CCSER1: variants seen among roughly 807,000 people sequenced by gnomAD.
CCSER1 encodes the protein serine-rich coiled-coil domain-containing protein 1.
A neutral mutation model predicts 82.0 loss-of-function variants in CCSER1; 41 were observed. The observed-to-expected ratio is 0.50, with a 90% confidence interval of 0.39 to 0.65. The LOEUF is 0.65. Among genes scored for constraint, CCSER1 ranks in the 30% least tolerant of loss-of-function variants. The probability of loss-of-function intolerance (pLI) is 0.00; values close to 1 mark genes in which losing one functional copy is unlikely to be tolerated. For synonymous variants in CCSER1, 414 were observed against 383.9 expected (o/e 1.08, Z -0.92); for missense variants, 1,119 against 1,064.2 (o/e 1.05, Z -0.72).
At chr4:91,473,343 C>T (rs1294444238) in intron 10 of CCSER1, among the ~76,000 whole-genome samples, 1 of 152,168 alleles carries the variant, frequency 6.6e-6, no homozygotes, top group Non-Finnish European at 1.5e-5. Flanking sequence ...GCACAGTTGA[C>T]ATCATTTCTC....
intron 1 of CCSER1, among the ~76,000 whole-genome samples, chr4:90,259,446 A>G (rs1349896983): frequency 1.3e-5 from 2 of 151,466 alleles, no homozygotes; most frequent in African/African-American, 4.9e-5. Flanking sequence ...TTTTTTCCCA[A>G]TTTGTATGTC....
At chr4:90,330,746 A>G (rs1739134197) in intron 3 of CCSER1, among the ~76,000 whole-genome samples, 1 of 152,196 alleles carries the variant, frequency 6.6e-6, no homozygotes, top group South Asian at 2.1e-4. Flanking sequence ...AAGTGATACT[A>G]TGATTTCTTG....
intron 9 of CCSER1, among the ~76,000 whole-genome samples, chr4:90,934,334 G>A (rs1002544359): frequency 6.6e-6 from 1 of 151,994 alleles, no homozygotes; most frequent in Non-Finnish European, 1.5e-5. Context: ...GTTATTTCAG[G>A]ATAAGAGAAA....
At chr4:91,410,501 G>A (rs1158870952) in intron 10 of CCSER1, among the ~76,000 whole-genome samples, 2 of 152,072 alleles carry the variant, frequency 1.3e-5, no homozygotes, top group Non-Finnish European at 1.5e-5. Context: ...ATACCTTTAT[G>A]TTCTGGTTGC....
At chr4:90,440,700 C>T (rs1253677706) in intron 4 of CCSER1, among the ~76,000 whole-genome samples, 1 of 152,120 alleles carries the variant, frequency 6.6e-6, no homozygotes, top group Non-Finnish European at 1.5e-5. Flanking sequence ...GAGAACTCTT[C>T]CTTGACGACT....
chr4:90,234,278 A>G (rs1745326881), intron 1 of CCSER1, among the ~76,000 whole-genome samples: 1 of 150,358 alleles, frequency 6.7e-6, no homozygotes, highest in Non-Finnish European at 1.5e-5. Flanking sequence ...GTGTGATGGC[A>G]TGATCTCAGC....
intron 1 of CCSER1, among the ~76,000 whole-genome samples, chr4:90,167,207 A>G (rs1331598562): frequency 6.6e-6 from 1 of 152,116 alleles, no homozygotes; most frequent in Non-Finnish European, 1.5e-5. Context: ...GAAATTAGCA[A>G]TTTAAAAATA....
chr4:90,598,013 T>C (rs368009288), intron 5 of CCSER1, among the ~76,000 whole-genome samples: 1 of 152,202 alleles, frequency 6.6e-6, no homozygotes, highest in East Asian at 1.9e-4. Flanking sequence ...GTTGTATATA[T>C]ATCACATTTT....
At chr4:91,105,510 C>A (rs1419603274) in intron 10 of CCSER1, among the ~76,000 whole-genome samples, 2 of 151,944 alleles carry the variant, frequency 1.3e-5, no homozygotes, top group Non-Finnish European at 2.9e-5. Flanking sequence ...TTGAGACCAG[C>A]CTAGCCAATA....
intron 8 of CCSER1, among the ~76,000 whole-genome samples, chr4:90,890,788 C>G (rs1484594068): frequency 6.6e-6 from 1 of 152,064 alleles, no homozygotes; most frequent in Non-Finnish European, 1.5e-5. Context: ...ATCTCAGAGT[C>G]ATCTGTTTCT....
Position 91,519,090 on chromosome 4 carries a change from G to A in CCSER1, c.2218-79482G>A, listed in dbSNP as rs147458575. On this transcript the variant is annotated intron_variant, in intron 10 of 10. Transcript: ENST00000509176. ...GATTTTCTCCTTGGAGAAATGCTGA[G>A]CCACTTCTGAAGTATCCAGGTGGGG... 2.0e-3 allele frequency among the ~76,000 whole-genome samples: 298 copies of A among 152,280 alleles called. 1 individual carries two copies. The highest frequency in any genetic ancestry group is 7.0e-3 in the African/African-American group (289 of 41,548).
In CCSER1 at chr4:90,576,219, AT is replaced by A. The variant is rs573370434; in HGVS notation, c.1725-51800del. On this transcript the variant is annotated intron_variant, in intron 5 of 10. Coordinates refer to ENST00000509176, the MANE Select transcript of CCSER1 (RefSeq NM_001145065.2). The stretch of plus-strand genomic sequence containing the variant: ...TAATGGCTTTTTAAAAACAGATTTT[AT>A]TTTTTATATTAGATTTAGGTTCACA... 1.1e-3 allele frequency among the ~76,000 whole-genome samples: 172 copies of A among 152,092 alleles called. 1 individual carries two copies. Among genetic ancestry groups the A allele is most frequent in the African/African-American group, 3.7e-3 (153 of 41,502 alleles).
In CCSER1 at chr4:90,326,113, C is replaced by T. The variant is rs190659628; in HGVS notation, c.1509+13066C>T. On this transcript the variant is annotated intron_variant, in intron 3 of 10. Coordinates refer to ENST00000509176, the MANE Select transcript of CCSER1 (RefSeq NM_001145065.2). Reference sequence around the variant, plus strand: ...TCACTCTTTCACCCAGGCTGGAGTGCAGTGGCGCAATCTCGGCTCACTGCA... The same window carrying T: ...TCACTCTTTCACCCAGGCTGGAGTGTAGTGGCGCAATCTCGGCTCACTGCA... 2.9e-5 allele frequency among the ~76,000 whole-genome samples: 4 copies of T among 136,914 alleles called. No individual in the cohort carries two copies. The Admixed American group carries it at 3.3e-4, about 11-fold the overall frequency. 89.8% of individuals were successfully genotyped at this position (136,914 alleles called of 152,430 possible). A position where few individuals can be genotyped will look rare whatever the true frequency, so the allele number is the denominator to read the frequency against.
intron 5 of CCSER1, among the ~76,000 whole-genome samples, chr4:90,547,937 T>A (rs1012196371): frequency 1.3e-5 from 2 of 152,184 alleles, no homozygotes; most frequent in Admixed American, 1.3e-4. Flanking sequence ...TAAGTTATTA[T>A]TTGCTAAACA....
intron 1 of CCSER1, among the ~76,000 whole-genome samples, chr4:90,205,408 G>A (rs994085113): frequency 6.6e-6 from 1 of 152,138 alleles, no homozygotes; most frequent in African/African-American, 2.4e-5. Flanking sequence ...ATGAAGGGGT[G>A]TTGAAGCAGA....
intron 9 of CCSER1, among the ~76,000 whole-genome samples, chr4:91,031,569 G>A (rs575362931): frequency 1.6e-4 from 24 of 152,080 alleles, no homozygotes; most frequent in African/African-American, 5.1e-4. Context: ...TATAAAAATC[G>A]TCTAAGTTTC....
intron 6 of CCSER1, among the ~76,000 whole-genome samples, chr4:90,722,670 A>G (rs546724837): frequency 6.6e-6 from 1 of 151,966 alleles, no homozygotes; most frequent in South Asian, 2.1e-4. Flanking sequence ...TACTCAATGC[A>G]CTGCCTTATA....
In CCSER1 at chr4:90,209,476, G is replaced by T. The variant is rs1739532085; in HGVS notation, c.-42+81645G>T. 2.6e-5 allele frequency among the ~76,000 whole-genome samples: 4 copies of T among 152,140 alleles called. No individual in the cohort carries two copies. In the South Asian group the frequency reaches 8.3e-4, roughly 32 times the overall value. On this transcript the variant is annotated intron_variant, in intron 1 of 10. Coordinates refer to ENST00000509176, the MANE Select transcript of CCSER1 (RefSeq NM_001145065.2). ...AGTGGTGTGGTCCCAGTCTTGCTTG[G>T]AGTAGAAGTCTGGCCATGCCCCTTT...
At chr4:90,337,877 T>G (rs977179644) in intron 3 of CCSER1, among the ~76,000 whole-genome samples, 1 of 152,156 alleles carries the variant, frequency 6.6e-6, no homozygotes, top group Non-Finnish European at 1.5e-5. Flanking sequence ...GTTTTGCAAA[T>G]TTCTTCATTG....
Sources: gnomAD v4.1 joint callset for allele counts (sites outside exome capture counted in the v4.1 genomes callset) on GRCh38, gnomAD v4.1.1 for gene constraint, MANE v1.5 for transcripts, NCBI Gene and HGNC (gene_info 2026-07-23, HGNC 2026-07-21) for gene names.